The following RNF152 variants were observed in gnomAD, a reference collection of about 807,000 sequenced individuals.
RNF152 encodes the protein ring finger protein 152.
RNF152 carries 11 observed loss-of-function variants against 12.7 expected under a neutral mutation model. The ratio of observed to expected loss-of-function variants is 0.86; its 90% confidence interval spans 0.54 to 1.43. The LOEUF is 1.43. Ranked by LOEUF, RNF152 falls within the 40% of genes most tolerant of loss-of-function variation. The pLI is 0.00. For missense variants in RNF152, 255 were observed against 274.8 expected, an observed-to-expected ratio of 0.93 and a Z score of 0.51; for synonymous variants, 113 against 120.3, an observed-to-expected ratio of 0.94 and a Z score of 0.40.
At chr18:61,839,868 T>C (rs1910374906) in intron 1 of RNF152, among the ~76,000 whole-genome samples, 1 of 152,196 alleles carries the variant, frequency 6.6e-6, no homozygotes, top group Non-Finnish European at 1.5e-5. Flanking sequence ...GTGCTTTTGA[T>C]ATGTCCCCAT....
chr18:61,860,540 C>G (rs1029849070), intron 1 of RNF152, among the ~76,000 whole-genome samples: 1 of 152,180 alleles, frequency 6.6e-6, no homozygotes, highest in Admixed American at 6.5e-5. Context: ...AGAAACCTAC[C>G]ATGCTGCCGG....
chr18:61,882,155 A>G (rs1202407128), intron 1 of RNF152, among the ~76,000 whole-genome samples: 1 of 152,210 alleles, frequency 6.6e-6, no homozygotes, highest in Admixed American at 6.5e-5. Flanking sequence ...TGGAATGCTC[A>G]ACCAGTAAAT....
chr18:61,852,160 G>A (rs1265647718), intron 1 of RNF152, among the ~76,000 whole-genome samples: 1 of 152,038 alleles, frequency 6.6e-6, no homozygotes, highest in African/African-American at 2.4e-5. Context: ...TGGTTCCAAA[G>A]GAAAACATTC....
At chr18:61,851,564 G>A (rs1014257057) in intron 1 of RNF152, among the ~76,000 whole-genome samples, 4 of 152,188 alleles carry the variant, frequency 2.6e-5, no homozygotes, top group Non-Finnish European at 5.9e-5. Context: ...TGAGGAAATG[G>A]AGGTACACTT....
chr18:61,891,595 T>G (rs1912963487), intron 1 of RNF152, among the ~76,000 whole-genome samples: 1 of 152,198 alleles, frequency 6.6e-6, no homozygotes. Flanking sequence ...ACATTACTCA[T>G]CTGATCTTTG....
rs1323918411 is a variant in RNF152 at position 61,816,556 on chromosome 18, T to C, written c.-93A>G. 5.0e-6 allele frequency: 7 copies of C among 1,410,372 alleles called. No homozygotes were observed. Among genetic ancestry groups the C allele is most frequent in the Admixed American group, 2.2e-5 (1 of 46,432 alleles). The allele number at this position is 1,410,372 out of a possible 1,614,324, so 87.4% of individuals were successfully genotyped here. A position where few individuals can be genotyped will look rare whatever the true frequency, so the allele number is the denominator to read the frequency against. On this transcript the variant is annotated 5_prime_UTR_variant, in exon 2 of 2. Transcript: ENST00000312828. ...CCCTGTGTCTTTGCAGTGCAGGTAA[T>C]GGCAAGCTCACAGGCATCCAGTACT...
intron 1 of RNF152, among the ~76,000 whole-genome samples, chr18:61,851,351 T>C (rs1381129359): frequency 6.6e-6 from 1 of 152,130 alleles, no homozygotes; most frequent in Non-Finnish European, 1.5e-5. Context: ...CTACCAGTAG[T>C]AGGTGTCCAA....
chr18:61,815,819 TG>T lies in RNF152; in HGVS notation c.*32del. 1.3e-6 allele frequency: 2 copies of T among 1,599,666 alleles called. No homozygotes were observed. Among genetic ancestry groups the T allele is most frequent in the Non-Finnish European group, 1.7e-6 (2 of 1,170,430 alleles). On this transcript the variant is annotated 3_prime_UTR_variant, in exon 2 of 2. Coordinates refer to ENST00000312828, the MANE Select transcript of RNF152 (RefSeq NM_173557.3). ...TCATCAACCTGCTCAACCCCTAAGTTGGCACCCACAAGAGACTTCCCTGCAG... is the reference window on the plus strand; with the variant it reads ...TCATCAACCTGCTCAACCCCTAAGTTGCACCCACAAGAGACTTCCCTGCAG...
intron 1 of RNF152, among the ~76,000 whole-genome samples, chr18:61,847,920 T>C (rs1910807928): frequency 6.6e-6 from 1 of 152,180 alleles, no homozygotes. Flanking sequence ...AAGGTCTTCC[T>C]TGACTGCCTT....
chr18:61,818,225 C>A (rs556402683), intron 1 of RNF152, among the ~76,000 whole-genome samples: 1 of 152,234 alleles, frequency 6.6e-6, no homozygotes, highest in South Asian at 2.1e-4. Context: ...GAGTTTGAGA[C>A]CAGCCTGGGC....
chr18:61,861,551 G>A (rs907343143), intron 1 of RNF152, among the ~76,000 whole-genome samples: 2 of 152,172 alleles, frequency 1.3e-5, no homozygotes, highest in African/African-American at 2.4e-5. Context: ...CATCAAGTGA[G>A]GCATGACTGT....
intron 1 of RNF152, among the ~76,000 whole-genome samples, chr18:61,871,221 A>T (rs1911984133): frequency 1.3e-5 from 2 of 148,772 alleles, no homozygotes; most frequent in Admixed American, 1.3e-4. Flanking sequence ...ACCCCAAAAA[A>T]AAACAGAAGG....
intron 1 of RNF152, among the ~76,000 whole-genome samples, chr18:61,822,597 A>T (rs182150235): frequency 2.1e-3 from 318 of 152,288 alleles, no homozygotes; most frequent in Admixed American, 5.2e-3. Context: ...GCCCAAGGAT[A>T]AAAAAAGCCA....
In RNF152 at chr18:61,816,439, G is replaced by T. The variant is rs1285807666; in HGVS notation, c.25C>A (p.Leu9Met). 6.2e-7 allele frequency: 1 copy of T among 1,609,278 alleles called. No homozygotes were observed. Among genetic ancestry groups the T allele is most frequent in the Non-Finnish European group, 8.5e-7 (1 of 1,176,608 alleles). METLSQDS[L>M]LECQICFNYY... Reference sequence around the variant, plus strand: ...TTGAAACAGATCTGACATTCCAGCAGAGAGTCCTGGGACAGCGTCTCCATG... The same window carrying T: ...TTGAAACAGATCTGACATTCCAGCATAGAGTCCTGGGACAGCGTCTCCATG... Residue 9 changes from leucine to methionine, a missense_variant, in exon 2 of 2, where the codon CTG (leucine) becomes ATG (methionine). Leu to Met is a conservative substitution (Grantham distance 15, BLOSUM62 2). Transcript: ENST00000312828.
At chr18:61,827,623 A>C (rs895999919) in intron 1 of RNF152, among the ~76,000 whole-genome samples, 4 of 152,228 alleles carry the variant, frequency 2.6e-5, no homozygotes, top group Admixed American at 2.0e-4. Flanking sequence ...AGTCTATTCG[A>C]AAGCCATTCA....
chr18:61,883,967 C>T (rs9949601), intron 1 of RNF152, among the ~76,000 whole-genome samples: 79,586 of 151,952 alleles, frequency 0.52, 20,918 homozygotes, highest in East Asian at 0.75. Flanking sequence ...CCCATGTAAA[C>T]GCTGAAGGCT....
chr18:61,849,500 G>A (rs1171027450), intron 1 of RNF152, among the ~76,000 whole-genome samples: 2 of 152,146 alleles, frequency 1.3e-5, no homozygotes, highest in African/African-American at 4.8e-5. Context: ...CCACACGAAG[G>A]GGATTGAAGT....
At position 61,809,578 on chromosome 18, in the gene RNF152, T is replaced by A. The variant is rs1272731797; in HGVS notation, c.*6274A>T. On this transcript the variant is annotated 3_prime_UTR_variant, in exon 2 of 2. Transcript: ENST00000312828. Reference sequence around the variant, plus strand: ...TTTCACATGGGCTACTAGCCCTACATCCCATGGAAATAAATTTGGAGCAGT... The same window carrying A: ...TTTCACATGGGCTACTAGCCCTACAACCCATGGAAATAAATTTGGAGCAGT... The A allele has an allele frequency of 6.6e-6, 1 of 152,032 alleles. No individual in the cohort carries two copies. Among genetic ancestry groups the A allele is most frequent in the Non-Finnish European group, 1.5e-5 (1 of 68,018 alleles). 9.4% of individuals were successfully genotyped at this position (152,032 alleles called of 1,614,324 possible). A position where few individuals can be genotyped will look rare whatever the true frequency, so the allele number is the denominator to read the frequency against.
chr18:61,877,556 C>T (rs1387546796), intron 1 of RNF152, among the ~76,000 whole-genome samples: 1 of 152,182 alleles, frequency 6.6e-6, no homozygotes, highest in East Asian at 1.9e-4. Context: ...GAAATGAAAA[C>T]TGCCAGTACA....
Sources: allele counts gnomAD v4.1 joint callset (sites outside exome capture counted in the v4.1 genomes callset), GRCh38; gene constraint gnomAD v4.1.1; transcripts MANE v1.5; gene names NCBI Gene and HGNC (gene_info 2026-07-23, HGNC 2026-07-21).